TENM1: variants seen among roughly 807,000 people sequenced by gnomAD.
TENM1 encodes teneurin-1.
A neutral mutation model predicts 174.8 loss-of-function variants in TENM1; 35 were observed. That is an observed-to-expected ratio of 0.20 (90% CI 0.15 to 0.27). The LOEUF (loss-of-function observed/expected upper bound fraction) is 0.27, where lower values mean the gene tolerates loss of function less well. Ranked by LOEUF, TENM1 falls within the 10% of genes least tolerant of loss-of-function variation. The probability of loss-of-function intolerance (pLI) is 1.00; values close to 1 mark genes in which losing one functional copy is unlikely to be tolerated. For synonymous variants in TENM1, 781 were observed against 798.7 expected, an observed-to-expected ratio of 0.98 and a Z score of 0.37; for missense variants, 1,633 against 2,130.1, an observed-to-expected ratio of 0.77 and a Z score of 4.59.
chrX:124,735,819 C>A (rs1225685560), intron 4 of TENM1, among the ~76,000 whole-genome samples: 2 of 111,619 alleles, frequency 1.8e-5, no homozygotes. Flanking sequence ...TCAAAGTAAG[C>A]TAACTCAGTA....
intron 11 of TENM1, among the ~76,000 whole-genome samples, chrX:124,582,821 C>T (rs1389209604): frequency 1.8e-5 from 2 of 112,220 alleles, no homozygotes; most frequent in East Asian, 2.8e-4. Flanking sequence ...AATCGGGTCA[C>T]TCCCACCCTA....
intron 1 of TENM1, among the ~76,000 whole-genome samples, chrX:124,959,754 C>G (rs760000402): frequency 2.7e-5 from 3 of 111,985 alleles, no homozygotes; most frequent in Non-Finnish European, 5.6e-5. Context: ...AATCACTATT[C>G]TCTCAGTTTC....
At chrX:124,599,532 TA>T (rs1250542595) in intron 11 of TENM1, among the ~76,000 whole-genome samples, 1 of 110,848 alleles carries the variant, frequency 9.0e-6, no homozygotes, top group African/African-American at 3.3e-5. Flanking sequence ...CTTTAACAAT[TA>T]AAGGTCAAGT....
the TENM1 span, among the ~76,000 whole-genome samples, chrX:125,179,958 C>T: frequency 9.7e-6 from 1 of 103,560 alleles, no homozygotes; most frequent in African/African-American, 3.5e-5. Flanking sequence ...ATATTTGATC[C>T]CTCCAATCCA....
At chrX:125,116,127 G>A in the TENM1 span, among the ~76,000 whole-genome samples, 4 of 111,172 alleles carry the variant, frequency 3.6e-5, no homozygotes, top group Admixed American at 2.9e-4. Context: ...CAAACCTGAC[G>A]AAAGCAATGA....
chrX:124,608,315 G>A (rs2050205747), intron 11 of TENM1, among the ~76,000 whole-genome samples: 1 of 111,536 alleles, frequency 9.0e-6, no homozygotes. Context: ...CCAAAGCCAT[G>A]TTCATTATCT....
chrX:124,608,968 T>C (rs187757318), intron 11 of TENM1, among the ~76,000 whole-genome samples: 33 of 111,253 alleles, frequency 3.0e-4, no homozygotes, highest in Middle Eastern at 4.6e-3. Context: ...TACAATCTTA[T>C]GAGTTGGACT....
At chrX:124,998,321 C>A in the TENM1 span, among the ~76,000 whole-genome samples, 3 of 109,328 alleles carry the variant, frequency 2.7e-5, no homozygotes, top group Non-Finnish European at 3.8e-5. Context: ...GAAAGGGGAG[C>A]CACTGAGAGG....
chrX:124,461,998 C>T (rs1218949367), intron 22 of TENM1, among the ~76,000 whole-genome samples: 1 of 109,570 alleles, frequency 9.1e-6, no homozygotes, highest in Non-Finnish European at 1.9e-5. Context: ...ATATATATAT[C>T]TATATGTATC....
the TENM1 span, among the ~76,000 whole-genome samples, chrX:125,124,821 T>C: frequency 1.8e-5 from 2 of 112,331 alleles, no homozygotes; most frequent in Non-Finnish European, 3.8e-5. Flanking sequence ...CCTAGTGAAT[T>C]ACAGACGTTT....
In TENM1 at chrX:124,546,436, G is replaced by A. The variant is rs375919203; in HGVS notation, c.2651+438C>T. On this transcript the variant is annotated intron_variant, in intron 15 of 31. Coordinates refer to ENST00000422452, the Ensembl canonical transcript of TENM1. ...ACAATTCATGCATTTGAGCTTTCCC[G>A]GAAGACAGATTTTTCACGAGTCTTG... Among the ~76,000 whole-genome samples, 8 of 111,591 alleles carry A rather than the reference G, an allele frequency of 7.2e-5. No individual in the cohort carries two copies. In the South Asian group the frequency reaches 1.1e-3, roughly 16 times the overall value.
At chrX:124,481,652 C>T (rs1310076144) in intron 22 of TENM1, 80 bp downstream of exon 25, 5 of 277,482 alleles carry the variant, frequency 1.8e-5, no homozygotes, top group Middle Eastern at 1.2e-3. Context: ...GCAACAGTCT[C>T]GGGATTTTGT....
At chrX:124,894,337 G>A in exon 3 of TENM1, 1 of 1,197,749 alleles carries the variant, frequency 8.3e-7, no homozygotes, top group Non-Finnish European at 1.1e-6. Flanking sequence ...ACAACAAACA[G>A]GAGAGAATTT....
intron 10 of TENM1, among the ~76,000 whole-genome samples, chrX:124,644,916 T>A (rs1234092476): frequency 3.6e-5 from 4 of 111,464 alleles, no homozygotes; most frequent in African/African-American, 1.3e-4. Context: ...ATACTATTTT[T>A]CATTATTGCT....
chrX:124,380,918 T>C, exon 32 of TENM1: 1 of 1,211,632 alleles, frequency 8.3e-7, no homozygotes, highest in African/African-American at 1.7e-5. Flanking sequence ...ATTGACACCA[T>C]TCTCCAGAAT....
Position 124,422,384 on chromosome X carries a change from C to T in TENM1, c.4359G>A (p.Glu1453=), listed in dbSNP as rs147839863. Residue 1453 remains glutamate, a synonymous_variant, in exon 24 of 32, where the codon GAG becomes GAA. Coordinates refer to ENST00000422452, the Ensembl canonical transcript of TENM1. ...CTTGCTGAATGCGGTTTACTTTCCT[C>T]TCGTCTGTTTCAGCTATGAAGAGCA... 115 of 1,209,604 alleles carry T rather than the reference C, an allele frequency of 9.5e-5. No individual in the cohort carries two copies. In the African/African-American group the frequency reaches 1.6e-3, roughly 17 times the overall value.
At chrX:124,409,724 AACAG>A (rs1291096120) in intron 25 of TENM1, among the ~76,000 whole-genome samples, 1 of 104,806 alleles carries the variant, frequency 9.5e-6, no homozygotes, top group African/African-American at 3.5e-5. Flanking sequence ...ATACACCAAT[AACAG>A]ACAAACAGAG....
intron 5 of TENM1, among the ~76,000 whole-genome samples, chrX:124,701,515 T>A (rs1328867366): frequency 8.9e-6 from 1 of 112,145 alleles, no homozygotes; most frequent in African/African-American, 3.2e-5. Flanking sequence ...CTACTTCATA[T>A]GGCTTATTTG....
At chrX:124,840,153 A>G (rs1408702618) in intron 3 of TENM1, among the ~76,000 whole-genome samples, 2 of 111,630 alleles carry the variant, frequency 1.8e-5, no homozygotes, top group Non-Finnish European at 3.8e-5. Flanking sequence ...GATGCCCACC[A>G]TTAGATAAAT....
Sources: allele counts gnomAD v4.1 joint callset (sites outside exome capture counted in the v4.1 genomes callset), GRCh38; gene constraint gnomAD v4.1.1; transcripts MANE v1.5; gene names NCBI Gene and HGNC (gene_info 2026-07-23, HGNC 2026-07-21).